Variants in TRAPPC3 observed in about 807,000 individuals in gnomAD.
The protein encoded by TRAPPC3 is trafficking protein particle complex 3.
Under a neutral mutation model 18.2 loss-of-function variants are expected in TRAPPC3, and 5 were observed. That is an observed-to-expected ratio of 0.28 (90% CI 0.14 to 0.58). The LOEUF is 0.58. TRAPPC3 is among the 20% of genes least tolerant of loss of function. TRAPPC3 has a pLI of 0.91. For missense variants in TRAPPC3, 176 were observed against 225.9 expected, an observed-to-expected ratio of 0.78 and a Z score of 1.41; for synonymous variants, 65 against 84.2, an observed-to-expected ratio of 0.77 and a Z score of 1.25.
intron 1 of TRAPPC3, among the ~76,000 whole-genome samples, chr1:36,147,040 T>C (rs561254158): frequency 2.0e-5 from 3 of 152,310 alleles, no homozygotes; most frequent in African/African-American, 7.2e-5. Context: ...AAATCTGTGC[T>C]TTTGGTGCTT....
intron 1 of TRAPPC3, among the ~76,000 whole-genome samples, chr1:36,154,860 C>G (rs1644303520): frequency 6.6e-6 from 1 of 152,218 alleles, no homozygotes; most frequent in African/African-American, 2.4e-5. Context: ...GCCCTTCTAT[C>G]ATCATCCTTT....
intron 1 of TRAPPC3, among the ~76,000 whole-genome samples, chr1:36,145,222 G>A (rs976539491): frequency 6.6e-6 from 1 of 151,528 alleles, no homozygotes; most frequent in Admixed American, 6.6e-5. Context: ...GTAGAGACGG[G>A]GTTTCACCGT....
chr1:36,142,622 C>G (rs1644133424), intron 1 of TRAPPC3, among the ~76,000 whole-genome samples: 1 of 152,196 alleles, frequency 6.6e-6, no homozygotes, highest in Admixed American at 6.6e-5. Flanking sequence ...CTGAGTTAGG[C>G]TCTCCATACC....
chr1:36,145,934 CGG>C (rs1337468580), intron 1 of TRAPPC3, among the ~76,000 whole-genome samples: 1 of 151,682 alleles, frequency 6.6e-6, no homozygotes, highest in Admixed American at 6.6e-5. Flanking sequence ...CCACCACGCC[CGG>C]CTAACTTTTT....
At chr1:36,155,996 C>G (rs564224490) in exon 1 of TRAPPC3, 18 of 157,794 alleles carry the variant, frequency 1.1e-4, no homozygotes, top group South Asian at 1.1e-3. Flanking sequence ...GGAGAGGCGC[C>G]GGGAGGCTGC....
rs773557998 is a variant in TRAPPC3 at position 36,138,156 on chromosome 1, C to T, written c.241-178G>A. 3 of 1,551,880 alleles carry T rather than the reference C, an allele frequency of 1.9e-6. No homozygotes were observed. In the South Asian group the frequency reaches 3.6e-5, roughly 18 times the overall value. ...AGAAGCATCTGTACATGATGCTGCA[C>T]CCCTCTCCTTCACGGCATCATACAG... On this transcript the variant is annotated intron_variant, in intron 3 of 4. Coordinates refer to ENST00000373166, the MANE Select transcript of TRAPPC3 (RefSeq NM_014408.5).
At position 36,136,955 on chromosome 1, in the gene TRAPPC3, C is replaced by T. The variant is rs576957913; in HGVS notation, c.*248G>A. The stretch of plus-strand genomic sequence containing the variant: ...ATGGTTTGAGCTCTTTCTAGTCCAA[C>T]CAAAGGTGATTACATCCAGCCCCTC... On this transcript the variant is annotated 3_prime_UTR_variant, in exon 5 of 5. Coordinates refer to ENST00000373166, the MANE Select transcript of TRAPPC3 (RefSeq NM_014408.5). 1.4e-5 allele frequency: 5 copies of T among 360,828 alleles called. No homozygotes were observed. The South Asian group carries it at 3.4e-4, about 25-fold the overall frequency. The allele number at this position is 360,828 out of a possible 1,614,324, so 22.4% of individuals were successfully genotyped here. A position where few individuals can be genotyped will look rare whatever the true frequency, so the allele number is the denominator to read the frequency against.
At chr1:36,154,690 C>T (rs1644301434) in intron 1 of TRAPPC3, among the ~76,000 whole-genome samples, 1 of 152,230 alleles carries the variant, frequency 6.6e-6, no homozygotes, top group African/African-American at 2.4e-5. Context: ...TTCCTAGATG[C>T]CAGGTTCTGT....
At chr1:36,151,790 T>C (rs142119887), upstream of TRAPPC3, among the ~76,000 whole-genome samples, 1 of 152,256 alleles carries the variant, frequency 6.6e-6, no homozygotes, top group Non-Finnish European at 1.5e-5. Flanking sequence ...ACACAAGGGA[T>C]AGCTTTCTGT....
At chr1:36,149,930 A>G (rs984727460), upstream of TRAPPC3, among the ~76,000 whole-genome samples, 3 of 152,252 alleles carry the variant, frequency 2.0e-5, no homozygotes, top group South Asian at 6.2e-4. Flanking sequence ...TGGCTTCTTC[A>G]TTAGAAAAAT....
At chr1:36,152,291 TTTTC>T (rs1644276820), upstream of TRAPPC3, among the ~76,000 whole-genome samples, 1 of 137,914 alleles carries the variant, frequency 7.3e-6, no homozygotes, top group Admixed American at 7.3e-5. Flanking sequence ...ACATATTTCT[TTTTC>T]TTTTTTTTTT....
At chr1:36,148,638 G>A (rs1644234819) in intron 1 of TRAPPC3, among the ~76,000 whole-genome samples, 1 of 152,094 alleles carries the variant, frequency 6.6e-6, no homozygotes, top group African/African-American at 2.4e-5. Flanking sequence ...ACCTAAGTCT[G>A]CAGCCCCAGC....
Position 36,149,380 on chromosome 1 carries a change from G to A in TRAPPC3, c.-2C>T. The A allele has an allele frequency of 6.2e-7, 1 of 1,612,902 alleles. No homozygotes were observed. The highest frequency in any genetic ancestry group is 8.5e-7 in the Non-Finnish European group (1 of 1,179,746). On this transcript the variant is annotated 5_prime_UTR_variant, in exon 1 of 5. Transcript: ENST00000373166. ...GCCACGGTTCGCCTGCCTCGACATG[G>A]TGCCGGCCGCCCCGCCCCACTCGCC...
rs553510895 is a variant in TRAPPC3 at position 36,149,144 on chromosome 1, T to G, written c.42+193A>C. ...CTGCACTCAGGCCTTGGGGGCGGGGTCTCCTCCGGGGAACTTCTCCGACGG... is the reference window on the plus strand; with the variant it reads ...CTGCACTCAGGCCTTGGGGGCGGGGGCTCCTCCGGGGAACTTCTCCGACGG... On this transcript the variant is annotated intron_variant, in intron 1 of 4. Coordinates refer to ENST00000373166, the MANE Select transcript of TRAPPC3 (RefSeq NM_014408.5). 1.5e-4 allele frequency: 218 copies of G among 1,453,810 alleles called. No individual in the cohort carries two copies. In the African/African-American group the frequency reaches 2.8e-3, roughly 19 times the overall value. The allele number at this position is 1,453,810 out of a possible 1,614,324, so 90.1% of individuals were successfully genotyped here.
chr1:36,145,342 T>G (rs1346325643), intron 1 of TRAPPC3, among the ~76,000 whole-genome samples: 4 of 152,108 alleles, frequency 2.6e-5, no homozygotes, highest in Non-Finnish European at 4.4e-5. Context: ...AGGCTGATCT[T>G]TAGAGCCAAT....
At chr1:36,151,882 G>A (rs1270019097), upstream of TRAPPC3, among the ~76,000 whole-genome samples, 2 of 152,122 alleles carry the variant, frequency 1.3e-5, no homozygotes, top group Admixed American at 6.5e-5. Flanking sequence ...TGAGTTCCCC[G>A]CCTCCCCAAG....
Position 36,145,231 on chromosome 1 carries a change from G to A in TRAPPC3, c.42+4106C>T, listed in dbSNP as rs143632567. 5.9e-4 allele frequency among the ~76,000 whole-genome samples: 89 copies of A among 151,340 alleles called. 1 individual carries two copies. In the East Asian group the frequency reaches 9.5e-3, roughly 16 times the overall value. ...CTTTTAGTAGAGACGGGGTTTCACC[G>A]TGTTAGCCAGGATGGTCTCCATCTC... On this transcript the variant is annotated intron_variant, in intron 1 of 4. Transcript: ENST00000373166.
rs551907286 is a variant in TRAPPC3, at chr1:36,139,979, G to A, written c.140+90C>T. ...CCCAAAATGTTGGCTAAGAAAGAGA[G>A]AGAACCCTGTTTTAAGCTCTAAAGG... is the stretch of plus-strand genomic sequence containing the variant. On this transcript the variant is annotated intron_variant, in intron 2 of 4. Transcript: ENST00000373166. 36 of 1,461,402 alleles carry A rather than the reference G, an allele frequency of 2.5e-5. No homozygotes were observed. In the African/African-American group the frequency reaches 4.1e-4, roughly 17 times the overall value. 90.5% of individuals were successfully genotyped at this position (1,461,402 alleles called of 1,614,324 possible).
intron 1 of TRAPPC3, among the ~76,000 whole-genome samples, chr1:36,148,916 A>C (rs1321155659): frequency 6.6e-6 from 1 of 152,146 alleles, no homozygotes; most frequent in Non-Finnish European, 1.5e-5. Flanking sequence ...TCCAAATCCT[A>C]ACTTCCCAGG....
Sources: allele counts gnomAD v4.1 joint callset (sites outside exome capture counted in the v4.1 genomes callset), GRCh38; gene constraint gnomAD v4.1.1; transcripts MANE v1.5; gene names NCBI Gene and HGNC (gene_info 2026-07-23, HGNC 2026-07-21).